MCOLN2: variants seen among roughly 807,000 people sequenced by gnomAD.
The protein encoded by MCOLN2 is mucolipin-2.
MCOLN2 carries 57 observed loss-of-function variants against 67.5 expected under a neutral mutation model. The ratio of observed to expected loss-of-function variants is 0.84; its 90% CI spans 0.68 to 1.05. The LOEUF is 1.05. Among genes scored for constraint, MCOLN2 ranks in the 50% least tolerant of loss-of-function variants. The probability of loss-of-function intolerance (pLI) is 0.00; values close to 1 mark genes in which losing one functional copy is unlikely to be tolerated. For missense variants in MCOLN2, 620 were observed against 678.8 expected (o/e 0.91, Z 0.96); for synonymous variants, 246 against 233.3 (o/e 1.05, Z -0.50).
intron 13 of MCOLN2, among the ~76,000 whole-genome samples, chr1:84,927,029 C>T (rs562117612): frequency 9.4e-5 from 12 of 127,078 alleles, no homozygotes; most frequent in African/African-American, 2.4e-4. Context: ...ACATCGCACA[C>T]GGGGAAATGT....
rs771434837 is a variant in MCOLN2, at chr1:84,996,878, C to T, written c.-6G>A. ...CGATAAGGCTGCCGGGCCATGCCTC[C>T]TCCTTCAAAACTTTCCAGGGCTCTC... On this transcript the variant is annotated 5_prime_UTR_variant, in exon 1 of 14. Transcript: ENST00000370608. The T allele has an allele frequency of 4.3e-6, 7 of 1,613,758 alleles. No individual in the cohort carries two copies. Among genetic ancestry groups the T allele is most frequent in the Non-Finnish European group, 5.9e-6 (7 of 1,179,766 alleles).
intron 2 of MCOLN2, among the ~76,000 whole-genome samples, chr1:84,960,756 T>C (rs1022676337): frequency 6.6e-5 from 10 of 152,310 alleles, no homozygotes; most frequent in Middle Eastern, 3.4e-3. Context: ...ACATACATGA[T>C]TGCTTCAAAG....
intron 4 of MCOLN2, among the ~76,000 whole-genome samples, chr1:84,955,820 C>T (rs1035309511): frequency 6.6e-6 from 1 of 152,002 alleles, no homozygotes; most frequent in African/African-American, 2.4e-5. Flanking sequence ...TGACTACACA[C>T]CAGAGGTTTG....
intron 6 of MCOLN2, among the ~76,000 whole-genome samples, chr1:84,950,456 T>C (rs1485064742): frequency 6.6e-6 from 1 of 152,242 alleles, no homozygotes; most frequent in Non-Finnish European, 1.5e-5. Flanking sequence ...TTCTAGTTTT[T>C]GTTAGGCTAG....
At chr1:84,953,326 C>T (rs542161029) in intron 4 of MCOLN2, among the ~76,000 whole-genome samples, 6 of 152,056 alleles carry the variant, frequency 3.9e-5, no homozygotes, top group South Asian at 2.1e-4. Context: ...CCAAGGTGGG[C>T]GGATCATGAG....
intron 3 of MCOLN2, 109 bp from the exon 4 acceptor site, chr1:84,956,693 G>T: frequency 3.3e-6 from 3 of 909,064 alleles, no homozygotes; most frequent in South Asian, 1.9e-5. Context: ...TTACATCATG[G>T]CTCTCAATAG....
chr1:84,928,438 C>T (rs890561875), intron 13 of MCOLN2, among the ~76,000 whole-genome samples: 3 of 152,162 alleles, frequency 2.0e-5, no homozygotes, highest in African/African-American at 2.4e-5. Flanking sequence ...GGCTGCATGA[C>T]AAAACATTTA....
At chr1:84,973,592 T>C (rs1338260601) in intron 1 of MCOLN2, among the ~76,000 whole-genome samples, 1 of 152,176 alleles carries the variant, frequency 6.6e-6, no homozygotes. Flanking sequence ...GTACCCCCAT[T>C]GATTTTCAGC....
At chr1:84,995,902 G>A (rs1651126067) in intron 1 of MCOLN2, among the ~76,000 whole-genome samples, 1 of 152,042 alleles carries the variant, frequency 6.6e-6, no homozygotes, top group Non-Finnish European at 1.5e-5. Context: ...ATTACAGGAG[G>A]TTAAATAAAA....
intron 1 of MCOLN2, among the ~76,000 whole-genome samples, chr1:84,974,758 C>T (rs1278140705): frequency 6.6e-6 from 1 of 152,052 alleles, no homozygotes; most frequent in Admixed American, 6.5e-5. Context: ...TAAGAGCTGA[C>T]TCTTGGATGG....
chr1:84,986,783 C>T (rs1650530440), intron 1 of MCOLN2, among the ~76,000 whole-genome samples: 1 of 152,000 alleles, frequency 6.6e-6, no homozygotes, highest in African/African-American at 2.4e-5. Flanking sequence ...CGAAAAAATG[C>T]TCAACATCAC....
At chr1:84,955,880 A>C (rs1648755560) in intron 4 of MCOLN2, among the ~76,000 whole-genome samples, 1 of 152,196 alleles carries the variant, frequency 6.6e-6, no homozygotes, top group Admixed American at 6.5e-5. Context: ...TTTAAAAAAC[A>C]AAAAGTCTTA....
chr1:84,929,923 A>G, intron 12 of MCOLN2: 1 of 272,404 alleles, frequency 3.7e-6, no homozygotes, highest in Non-Finnish European at 6.8e-6. Context: ...AGCCAGGGAG[A>G]GGTTTTTTTT....
chr1:84,937,992 G>C lies in MCOLN2; in HGVS notation c.1201C>G (p.Gln401Glu). The change falls in exon 10 of 14, where the codon CAG becomes GAG. Residue 401 changes from glutamine (Q) to glutamate (E), a missense_variant. By Grantham distance (29) the Gln-to-Glu change is conservative (BLOSUM62 2). Coordinates refer to ENST00000370608, the MANE Select transcript of MCOLN2 (RefSeq NM_153259.4). The part of the protein sequence containing the change: ...VGVIRYLGYF[Q>E]AYNVLILTMQ... ...TGCCGCATCCTTACATTATATGCCTGGAAATAACCCAGGTATCTGATGACT... is the reference window on the plus strand; with the variant it reads ...TGCCGCATCCTTACATTATATGCCTCGAAATAACCCAGGTATCTGATGACT... 6.2e-7 allele frequency: 1 copy of C among 1,613,868 alleles called. No homozygotes were observed. The highest frequency in any genetic ancestry group is 8.5e-7 in the Non-Finnish European group (1 of 1,179,788).
chr1:84,968,849 T>C (rs1649513063), intron 1 of MCOLN2, among the ~76,000 whole-genome samples: 1 of 152,218 alleles, frequency 6.6e-6, no homozygotes, highest in Non-Finnish European at 1.5e-5. Context: ...GAAGGGGTCC[T>C]GCCCCAAACC....
Position 84,958,528 on chromosome 1 carries a change from C to T in MCOLN2, c.411+1G>A. The T allele has an allele frequency of 6.3e-7, 1 of 1,599,186 alleles. No individual in the cohort carries two copies. The highest frequency in any genetic ancestry group is 1.2e-5 in the South Asian group (1 of 86,904). On this transcript the variant is annotated splice_donor_variant, in intron 3 of 13. Coordinates refer to ENST00000370608, the MANE Select transcript of MCOLN2 (RefSeq NM_153259.4). LOFTEE classifies it high-confidence loss of function. ...TAGGTCATTCACAACAAAACACTTG[C>T]CTGATTAATAGCAAAAAAGATGCTC...
At position 84,996,882 on chromosome 1, in the gene MCOLN2, T is replaced by C. The variant is rs1479461371; in HGVS notation, c.-10A>G. On this transcript the variant is annotated 5_prime_UTR_variant, in exon 1 of 14. Transcript: ENST00000370608. ...AAGGCTGCCGGGCCATGCCTCCTCCTTCAAAACTTTCCAGGGCTCTCGGGA... is the reference window on the plus strand; with the variant it reads ...AAGGCTGCCGGGCCATGCCTCCTCCCTCAAAACTTTCCAGGGCTCTCGGGA... 1 of 1,613,222 alleles carries C rather than the reference T, an allele frequency of 6.2e-7. No individual in the cohort carries two copies. The highest frequency in any genetic ancestry group is 8.5e-7 in the Non-Finnish European group (1 of 1,179,332).
In MCOLN2 at chr1:84,958,656, T is replaced by G. The variant is rs1648919029; in HGVS notation, c.284A>C (p.Glu95Ala). The change falls in exon 3 of 14, where the codon GAA becomes GCA. Residue 95 changes from glutamate (E) to alanine (A), a missense_variant. Transcript: ENST00000370608. The part of the protein sequence containing the change: ...LSNQLVVAFK[E>A]DNTVAFKHLF... ...GTGCTTAAAAGCAACAGTGTTATCT[T>G]CTTTGAAAGCAACCACCAGCTGGTT... 1 of 1,596,506 alleles carries G rather than the reference T, an allele frequency of 6.3e-7. No homozygotes were observed. The highest frequency in any genetic ancestry group is 1.3e-5 in the African/African-American group (1 of 74,094).
intron 12 of MCOLN2, 143 bp from the exon 13 acceptor site, chr1:84,929,822 A>G: frequency 1.5e-6 from 1 of 686,778 alleles, no homozygotes; most frequent in Non-Finnish European, 2.3e-6. Context: ...TACAATGATG[A>G]ATCAATCTGT....
Sources: gnomAD v4.1 joint callset for allele counts (sites outside exome capture counted in the v4.1 genomes callset) on GRCh38, gnomAD v4.1.1 for gene constraint, MANE v1.5 for transcripts, NCBI Gene and HGNC (gene_info 2026-07-23, HGNC 2026-07-21) for gene names.